The following PCDHA1 variants were observed in gnomAD, a reference collection of about 807,000 sequenced individuals.
The protein encoded by PCDHA1 is protocadherin alpha-1.
In PCDHA1, 42 loss-of-function variants were observed where a neutral mutation model predicts 61.3. The observed-to-expected ratio is 0.69, with a 90% CI of 0.54 to 0.89. The LOEUF (loss-of-function observed/expected upper bound fraction) is 0.89. Ranked by LOEUF, PCDHA1 falls within the 40% of genes least tolerant of loss-of-function variation. The pLI is 0.00. For missense variants in PCDHA1, 1,256 were observed against 1,235.3 expected (o/e 1.02, Z -0.25); for synonymous variants, 610 against 553.8 (o/e 1.10, Z -1.43).
At chr5:140,882,105 A>G in intron 1 of PCDHA1, 1 of 1,349,526 alleles carries the variant, frequency 7.4e-7, no homozygotes, top group Admixed American at 2.5e-5. Flanking sequence ...GTTTCCGCGA[A>G]GAAAGCCGCC....
chr5:140,819,774 A>G (rs1344723205), intron 1 of PCDHA1, among the ~76,000 whole-genome samples: 3 of 152,082 alleles, frequency 2.0e-5, no homozygotes, highest in Admixed American at 2.0e-4. Context: ...TGAAATATCT[A>G]TATAAGTACA....
intron 1 of PCDHA1, chr5:140,835,731 G>GA: frequency 6.2e-7 from 1 of 1,613,790 alleles, no homozygotes; most frequent in Non-Finnish European, 8.5e-7. Flanking sequence ...CGACGTGAAC[G>GA]ACAACGCCCC....
At chr5:140,846,097 A>T (rs1554141144) in intron 1 of PCDHA1, among the ~76,000 whole-genome samples, 4 of 149,760 alleles carry the variant, frequency 2.7e-5, no homozygotes, top group Non-Finnish European at 1.5e-5. Flanking sequence ...CCTTCCAAGG[A>T]ATGTGTAGAC....
intron 1 of PCDHA1, among the ~76,000 whole-genome samples, chr5:140,921,714 C>T (rs942328848): frequency 2.0e-5 from 3 of 152,046 alleles, no homozygotes; most frequent in South Asian, 2.1e-4. Context: ...AGTAAACACA[C>T]GAATTACTCC....
intron 1 of PCDHA1, chr5:140,809,200 G>A (rs550017930): frequency 6.2e-7 from 1 of 1,614,078 alleles, no homozygotes; most frequent in African/African-American, 1.3e-5. Flanking sequence ...CACTTGTGGA[G>A]AGTGGACAGG....
At chr5:140,986,437 G>A (rs1554248053) in intron 3 of PCDHA1, among the ~76,000 whole-genome samples, 2 of 152,182 alleles carry the variant, frequency 1.3e-5, no homozygotes, top group Admixed American at 6.5e-5. Flanking sequence ...GAGTACTAAT[G>A]CCCTGAAGAG....
In PCDHA1 at chr5:140,835,236, G is replaced by A. The variant is rs1307272356; in HGVS notation, c.2394+46552G>A. The A allele has an allele frequency of 6.9e-6, 11 of 1,599,722 alleles. 1 individual carries two copies. The highest frequency in any genetic ancestry group is 9.4e-6 in the Non-Finnish European group (11 of 1,173,316). On this transcript the variant is annotated intron_variant, in intron 1 of 3. Coordinates refer to ENST00000504120, the MANE Select transcript of PCDHA1 (RefSeq NM_018900.4). The stretch of plus-strand genomic sequence containing the variant: ...TATTATTTACTCCTTCTCCAGTGAT[G>A]TTTCTCCAGATATAAAATCCAAGTT...
rs1445142594 is a variant in PCDHA1 at position 140,808,586 on chromosome 5, A to C, written c.2394+19902A>C. 3 of 1,613,900 alleles carry C rather than the reference A, an allele frequency of 1.9e-6. No individual in the cohort carries two copies. In the African/African-American group the frequency reaches 4.0e-5, roughly 22 times the overall value. On this transcript the variant is annotated intron_variant, in intron 1 of 3. Transcript: ENST00000504120. ...CGAGTACACAGTGTTCGTGAAGGAG[A>C]ACAACCCGCCGGGCTGCCACATCTT...
chr5:140,801,346 A>C, intron 1 of PCDHA1: 5 of 1,613,340 alleles, frequency 3.1e-6, no homozygotes, highest in Non-Finnish European at 4.2e-6. Flanking sequence ...CGCATCGCGC[A>C]GGACCTGGGG....
intron 1 of PCDHA1, among the ~76,000 whole-genome samples, chr5:140,962,929 A>T (rs1386992197): frequency 1.3e-5 from 2 of 152,070 alleles, no homozygotes; most frequent in Non-Finnish European, 2.9e-5. Context: ...ATACTTCTCA[A>T]CCTCCTCTCC....
rs782120132 is a variant in PCDHA1, at chr5:140,884,464, C to T, written c.2395-94485C>T. On this transcript the variant is annotated intron_variant, in intron 1 of 3. Coordinates refer to ENST00000504120, the MANE Select transcript of PCDHA1 (RefSeq NM_018900.4). ...CGGCACCGCCCACCGAGGGCGCGTG[C>T]GCGCCGGGCAAGCCCACTCTAGTGT... 51 of 1,613,768 alleles carry T rather than the reference C, an allele frequency of 3.2e-5. 1 individual carries two copies. In the East Asian group the frequency reaches 9.6e-4, roughly 30 times the overall value.
At position 140,856,153 on chromosome 5, in the gene PCDHA1, C is replaced by G. The variant is rs1554148270; in HGVS notation, c.2394+67469C>G. 8 of 1,598,310 alleles carry G rather than the reference C, an allele frequency of 5.0e-6. 1 individual carries two copies. Among genetic ancestry groups the G allele is most frequent in the Non-Finnish European group, 6.9e-6 (8 of 1,167,862 alleles). On this transcript the variant is annotated intron_variant, in intron 1 of 3. Transcript: ENST00000504120. The stretch of plus-strand genomic sequence containing the variant: ...GCGGCCAGCTCCACTACTCAGTCTA[C>G]GAGGAGGCCAGACACGGCACCTTCG...
chr5:140,884,839 G>T, intron 1 of PCDHA1: 1 of 893,290 alleles, frequency 1.1e-6, no homozygotes, highest in Non-Finnish European at 1.6e-6. Context: ...TTATCCTTCA[G>T]AGTGAAATCT....
chr5:140,981,969 T>C (rs1438723039), intron 2 of PCDHA1, among the ~76,000 whole-genome samples: 1 of 152,146 alleles, frequency 6.6e-6, no homozygotes, highest in African/African-American at 2.4e-5. Context: ...ATAAAAGATA[T>C]AGAAAGAGTA....
chr5:140,816,312 A>C (rs2126670539), intron 1 of PCDHA1: 29 of 152,232 alleles, frequency 1.9e-4, no homozygotes, highest in Admixed American at 4.6e-4. Flanking sequence ...TAAAATTTTC[A>C]GTTCAATTAT....
chr5:140,856,202 G>A lies in PCDHA1; in HGVS notation c.2394+67518G>A, dbSNP rs150172685. On this transcript the variant is annotated intron_variant, in intron 1 of 3. Coordinates refer to ENST00000504120, the MANE Select transcript of PCDHA1 (RefSeq NM_018900.4). The stretch of plus-strand genomic sequence containing the variant: ...CGTGGGCCGCATCGCGCAGGACCTG[G>A]GGCTGGAGCTGGCGGAGCTGGTGCA... 2,025 of 1,598,130 alleles carry A rather than the reference G, an allele frequency of 1.3e-3. 175 individuals carry two copies. Among genetic ancestry groups the A allele is most frequent in the Non-Finnish European group, 1.6e-3 (1,906 of 1,167,884 alleles).
At position 140,927,603 on chromosome 5, in the gene PCDHA1, A is replaced by G. The variant is rs538616533; in HGVS notation, c.2395-51346A>G. On this transcript the variant is annotated intron_variant, in intron 1 of 3. Coordinates refer to ENST00000504120, the MANE Select transcript of PCDHA1 (RefSeq NM_018900.4). ...ACGCGCCTGTATTTGAGCGCTCCGT[A>G]TACCGCACCAAGGTTCCAGAGACTG... 8.1e-6 allele frequency: 13 copies of G among 1,614,190 alleles called. No homozygotes were observed. In the Admixed American group the frequency reaches 1.2e-4, roughly 14 times the overall value.
intron 1 of PCDHA1, among the ~76,000 whole-genome samples, chr5:140,798,488 C>T (rs1053291184): frequency 2.0e-5 from 3 of 152,158 alleles, no homozygotes; most frequent in African/African-American, 7.2e-5. Context: ...TAAGTGGAGA[C>T]TACCCAGTCT....
intron 1 of PCDHA1, chr5:140,871,085 CG>C: frequency 6.2e-7 from 1 of 1,613,246 alleles, no homozygotes. Context: ...CTGACGGCCA[CG>C]GCCACCGTGC....
Sources: gnomAD v4.1 joint callset for allele counts (sites outside exome capture counted in the v4.1 genomes callset) on GRCh38, gnomAD v4.1.1 for gene constraint, MANE v1.5 for transcripts, NCBI Gene and HGNC (gene_info 2026-07-23, HGNC 2026-07-21) for gene names.